The following GOLPH3 variants were observed in gnomAD, a reference collection of about 807,000 sequenced individuals.
GOLPH3 encodes golgi phosphoprotein 3.
Under a neutral mutation model 28.5 loss-of-function variants are expected in GOLPH3, and 14 were observed. The observed-to-expected ratio is 0.49, with a 90% CI of 0.32 to 0.77. GOLPH3 has a LOEUF of 0.77. Ranked by LOEUF, GOLPH3 falls within the 30% of genes least tolerant of loss-of-function variation. GOLPH3 has a pLI of 0.03. For synonymous variants in GOLPH3, 158 were observed against 159.2 expected, an observed-to-expected ratio of 0.99 and a Z score of 0.06; for missense variants, 350 against 393.7, an observed-to-expected ratio of 0.89 and a Z score of 0.94.
At chr5:32,160,747 C>A (rs1746552318) in intron 1 of GOLPH3, among the ~76,000 whole-genome samples, 1 of 152,164 alleles carries the variant, frequency 6.6e-6, no homozygotes, top group Non-Finnish European at 1.5e-5. Flanking sequence ...ATATAAGGAT[C>A]CACTAACACA....
intron 1 of GOLPH3, among the ~76,000 whole-genome samples, chr5:32,153,196 T>C (rs1340229593): frequency 2.0e-5 from 3 of 152,128 alleles, no homozygotes; most frequent in Non-Finnish European, 1.5e-5. Flanking sequence ...GAATATAACA[T>C]GTAAAAAGCA....
intron 1 of GOLPH3, among the ~76,000 whole-genome samples, chr5:32,156,528 T>G (rs945752187): frequency 6.6e-6 from 1 of 151,922 alleles, no homozygotes; most frequent in Non-Finnish European, 1.5e-5. Context: ...CTGTTGTTTA[T>G]AAGTCACACT....
intron 1 of GOLPH3, among the ~76,000 whole-genome samples, chr5:32,173,471 G>C (rs1181453925): frequency 2.0e-5 from 3 of 151,980 alleles, no homozygotes; most frequent in Non-Finnish European, 4.4e-5. Flanking sequence ...CTCCGGGTTG[G>C]ATTTGCACCC....
chr5:32,138,356 C>G lies in GOLPH3; in HGVS notation c.358-2670G>C, dbSNP rs374130305. Among the ~76,000 whole-genome samples the G allele has an allele frequency of 5.9e-5, 9 of 152,168 alleles. No individual in the cohort carries two copies. In the East Asian group the frequency reaches 1.7e-3, roughly 29 times the overall value. On this transcript the variant is annotated intron_variant, in intron 2 of 3. Coordinates refer to ENST00000265070, the MANE Select transcript of GOLPH3 (RefSeq NM_022130.4). Reference sequence around the variant, plus strand: ...CAGCAGAAATATAAAAACCACAGTACAAGTCACAAATCTATTCTTCAATTT... The same window carrying G: ...CAGCAGAAATATAAAAACCACAGTAGAAGTCACAAATCTATTCTTCAATTT...
chr5:32,140,794 T>A (rs1474613165), intron 2 of GOLPH3, among the ~76,000 whole-genome samples: 1 of 141,534 alleles, frequency 7.1e-6, no homozygotes, highest in Non-Finnish European at 1.5e-5. Flanking sequence ...GGAGTGAGAC[T>A]CTGTCTCCAA....
chr5:32,162,772 G>A (rs1024172281), intron 1 of GOLPH3, among the ~76,000 whole-genome samples: 2 of 152,076 alleles, frequency 1.3e-5, no homozygotes, highest in South Asian at 2.1e-4. Context: ...AGAGGCTTTC[G>A]GACAGAACAC....
At chr5:32,164,311 TCCC>T (rs1192983953) in intron 1 of GOLPH3, among the ~76,000 whole-genome samples, 2 of 152,128 alleles carry the variant, frequency 1.3e-5, no homozygotes. Context: ...CATTATCTTC[TCCC>T]CCATGAAATT....
intron 1 of GOLPH3, among the ~76,000 whole-genome samples, chr5:32,171,912 C>T (rs991789349): frequency 6.6e-6 from 1 of 151,532 alleles, no homozygotes; most frequent in South Asian, 2.1e-4. Context: ...GGCGCCACTG[C>T]ACTCCAGGCC....
chr5:32,171,260 T>C (rs1265798310), intron 1 of GOLPH3, among the ~76,000 whole-genome samples: 1 of 151,694 alleles, frequency 6.6e-6, no homozygotes, highest in African/African-American at 2.4e-5. Context: ...ACACTAACAC[T>C]AGCAATAGCT....
At chr5:32,128,428 C>T (rs771996394) in intron 3 of GOLPH3, among the ~76,000 whole-genome samples, 24 of 152,092 alleles carry the variant, frequency 1.6e-4, no homozygotes, top group African/African-American at 3.6e-4. Context: ...GTAGCCCAGA[C>T]GGGTGGATCA....
chr5:32,135,690 A>C lies in GOLPH3; in HGVS notation c.358-4T>G, dbSNP rs1307767634. 3 of 1,560,798 alleles carry C rather than the reference A, an allele frequency of 1.9e-6. No individual in the cohort carries two copies. On this transcript the variant is annotated splice_polypyrimidine_tract_variant and splice_region_variant and intron_variant, in intron 2 of 3. Coordinates refer to ENST00000265070, the MANE Select transcript of GOLPH3 (RefSeq NM_022130.4). Reference sequence around the variant, plus strand: ...GAGCATCTGACTTACAGATTACCTAAAAAGAAAGCAAAAAGAATGAAAGGA... The same window carrying C: ...GAGCATCTGACTTACAGATTACCTACAAAGAAAGCAAAAAGAATGAAAGGA...
intron 3 of GOLPH3, among the ~76,000 whole-genome samples, chr5:32,133,519 G>A (rs1554047808): frequency 6.6e-6 from 1 of 152,206 alleles, no homozygotes; most frequent in Non-Finnish European, 1.5e-5. Context: ...CCAAAGACTG[G>A]TTAAGCCAGT....
intron 1 of GOLPH3, 85 bp from the exon 2 acceptor site, chr5:32,143,965 G>A: frequency 1.2e-6 from 1 of 838,470 alleles, no homozygotes. Context: ...ATCAGCCAAA[G>A]TCATATTTGG....
intron 3 of GOLPH3, among the ~76,000 whole-genome samples, chr5:32,130,303 GGAAAT>G (rs1745797458): frequency 6.6e-6 from 1 of 152,014 alleles, no homozygotes; most frequent in African/African-American, 2.4e-5. Context: ...AACGACTTAG[GGAAAT>G]TTAAACTAAT....
chr5:32,158,804 A>T (rs1011566767), intron 1 of GOLPH3, among the ~76,000 whole-genome samples: 1 of 152,106 alleles, frequency 6.6e-6, no homozygotes, highest in African/African-American at 2.4e-5. Flanking sequence ...TCCATCCCTC[A>T]CACATTCCCT....
At chr5:32,152,382 C>T (rs1746326546) in intron 1 of GOLPH3, among the ~76,000 whole-genome samples, 2 of 150,422 alleles carry the variant, frequency 1.3e-5, no homozygotes, top group Non-Finnish European at 3.0e-5. Context: ...ACCTCAGCCT[C>T]CCAAAGTGCT....
chr5:32,136,362 T>C (rs942446049), intron 2 of GOLPH3, among the ~76,000 whole-genome samples: 5 of 151,332 alleles, frequency 3.3e-5, no homozygotes, highest in African/African-American at 1.2e-4. Context: ...GTGCCTGTAA[T>C]CCCAGCTACT....
chr5:32,150,422 GAAAAA>G (rs35032469), intron 1 of GOLPH3, among the ~76,000 whole-genome samples: 1 of 107,946 alleles, frequency 9.3e-6, no homozygotes, highest in Non-Finnish European at 2.1e-5. Context: ...AGTTCCTAAA[GAAAAA>G]AAAAAAAAAT....
intron 3 of GOLPH3, among the ~76,000 whole-genome samples, chr5:32,129,477 C>T (rs1304681773): frequency 6.6e-6 from 1 of 152,100 alleles, no homozygotes; most frequent in Non-Finnish European, 1.5e-5. Context: ...AGAATACAAA[C>T]ATTAGGATAT....
Sources: gnomAD v4.1 joint callset for allele counts (sites outside exome capture counted in the v4.1 genomes callset) on GRCh38, gnomAD v4.1.1 for gene constraint, MANE v1.5 for transcripts, NCBI Gene and HGNC (gene_info 2026-07-23, HGNC 2026-07-21) for gene names.